Variants in STXBP6 observed in about 807,000 individuals in gnomAD.
STXBP6 encodes the protein syntaxin-binding protein 6.
A neutral mutation model predicts 26.9 loss-of-function variants in STXBP6; 21 were observed. That is an observed-to-expected ratio of 0.78 (90% CI 0.55 to 1.12). The LOEUF (loss-of-function observed/expected upper bound fraction) is 1.12, where lower values mean the gene tolerates loss of function less well. STXBP6 is among the 50% of genes most tolerant of loss of function. The pLI is 0.00. For missense variants in STXBP6, 232 were observed against 257.9 expected, an observed-to-expected ratio of 0.90 and a Z score of 0.69; for synonymous variants, 97 against 92.6, an observed-to-expected ratio of 1.05 and a Z score of -0.27.
chr14:24,860,901 A>T (rs2139223146), intron 2 of STXBP6, among the ~76,000 whole-genome samples: 1 of 146,628 alleles, frequency 6.8e-6, no homozygotes, highest in South Asian at 2.1e-4. Flanking sequence ...AAAGGAAACA[A>T]TCAGTATATA....
intron 2 of STXBP6, among the ~76,000 whole-genome samples, chr14:24,873,797 G>A (rs12897835): frequency 0.16 from 24,167 of 152,138 alleles, 2,274 homozygotes; most frequent in Non-Finnish European, 0.22. Flanking sequence ...TCTGAATGAC[G>A]GGAACAATGA....
chr14:24,900,670 C>T (rs1258927986), intron 2 of STXBP6, among the ~76,000 whole-genome samples: 3 of 152,100 alleles, frequency 2.0e-5, no homozygotes, highest in African/African-American at 7.2e-5. Context: ...CAGTGTGCTA[C>T]TTAGAGGTTT....
At chr14:24,896,508 C>T (rs1171763504) in intron 2 of STXBP6, among the ~76,000 whole-genome samples, 2 of 152,110 alleles carry the variant, frequency 1.3e-5, no homozygotes, top group Non-Finnish European at 2.9e-5. Flanking sequence ...GAGAGGAACC[C>T]AGGAATCTGC....
intron 2 of STXBP6, among the ~76,000 whole-genome samples, chr14:24,955,799 C>T (rs551290921): frequency 2.0e-5 from 3 of 152,294 alleles, no homozygotes; most frequent in African/African-American, 7.2e-5. Flanking sequence ...ACAGTAAGAG[C>T]AGCTTCCCTG....
intron 2 of STXBP6, among the ~76,000 whole-genome samples, chr14:24,882,909 C>A (rs1404180005): frequency 6.6e-6 from 1 of 152,146 alleles, no homozygotes; most frequent in East Asian, 1.9e-4. Flanking sequence ...TTTCTAGGAA[C>A]TGCTCCTGAG....
At chr14:24,981,042 C>G (rs1396743328) in intron 1 of STXBP6, among the ~76,000 whole-genome samples, 1 of 152,066 alleles carries the variant, frequency 6.6e-6, no homozygotes, top group African/African-American at 2.4e-5. Context: ...TTTGGGTTTT[C>G]CCCCTGTATT....
intron 1 of STXBP6, among the ~76,000 whole-genome samples, chr14:24,981,954 C>G (rs1465484844): frequency 6.6e-6 from 1 of 152,080 alleles, no homozygotes; most frequent in Non-Finnish European, 1.5e-5. Flanking sequence ...GGTTATAAAA[C>G]AGAAAATGAG....
intron 2 of STXBP6, among the ~76,000 whole-genome samples, chr14:24,887,644 C>G (rs1474813304): frequency 6.6e-6 from 1 of 152,172 alleles, no homozygotes; most frequent in African/African-American, 2.4e-5. Context: ...CAAATCATTT[C>G]TGATTTGCCA....
chr14:24,911,929 G>T (rs1595095414), intron 2 of STXBP6, among the ~76,000 whole-genome samples: 1 of 152,112 alleles, frequency 6.6e-6, no homozygotes, highest in Non-Finnish European at 1.5e-5. Flanking sequence ...TCCAGTCACG[G>T]AGAGTTACTC....
intron 4 of STXBP6, among the ~76,000 whole-genome samples, chr14:24,847,974 T>C (rs79895619): frequency 0.044 from 6,713 of 152,210 alleles, 506 homozygotes; most frequent in African/African-American, 0.15. Flanking sequence ...GAAATATCTA[T>C]AGTATAGCTC....
intron 2 of STXBP6, among the ~76,000 whole-genome samples, chr14:24,917,282 C>T (rs1301948205): frequency 6.6e-6 from 1 of 152,004 alleles, no homozygotes; most frequent in Non-Finnish European, 1.5e-5. Context: ...ATGGAGTAGG[C>T]AAATGTGTGA....
At chr14:24,822,773 C>T (rs894888749) in intron 4 of STXBP6, among the ~76,000 whole-genome samples, 1 of 152,168 alleles carries the variant, frequency 6.6e-6, no homozygotes, top group Non-Finnish European at 1.5e-5. Flanking sequence ...TCTCCTATCT[C>T]GGGGCTAAGT....
At chr14:24,887,709 A>G (rs1439197300) in intron 2 of STXBP6, among the ~76,000 whole-genome samples, 1 of 152,200 alleles carries the variant, frequency 6.6e-6, no homozygotes, top group Non-Finnish European at 1.5e-5. Flanking sequence ...GCAAATATAA[A>G]TTACCATCAC....
chr14:24,985,420 C>T (rs907907981), intron 1 of STXBP6, among the ~76,000 whole-genome samples: 1 of 152,144 alleles, frequency 6.6e-6, no homozygotes, highest in African/African-American at 2.4e-5. Context: ...AACCGGAAAA[C>T]GCTTAAATAT....
intron 1 of STXBP6, among the ~76,000 whole-genome samples, chr14:24,996,763 G>A (rs987439824): frequency 2.0e-5 from 3 of 148,164 alleles, no homozygotes; most frequent in African/African-American, 5.0e-5. Flanking sequence ...GCTGAGGCAG[G>A]AGAATCGCTT....
chr14:24,962,287 TTTTA>T (rs72330952), intron 2 of STXBP6, among the ~76,000 whole-genome samples: 60,978 of 139,784 alleles, frequency 0.44, 13,388 homozygotes, highest in East Asian at 0.5. Context: ...GTACAAGATA[TTTTA>T]TTTATTTATT....
intron 4 of STXBP6, among the ~76,000 whole-genome samples, chr14:24,843,510 T>C (rs185140026): frequency 6.6e-6 from 1 of 152,362 alleles, no homozygotes; most frequent in Admixed American, 6.5e-5. Flanking sequence ...GTGCTCACGA[T>C]GTTCCGTGGT....
At chr14:24,992,782 A>G (rs563229794) in intron 1 of STXBP6, among the ~76,000 whole-genome samples, 1 of 152,332 alleles carries the variant, frequency 6.6e-6, no homozygotes, top group South Asian at 2.1e-4. Flanking sequence ...TCCCAGCCCT[A>G]TATGATACTA....
intron 2 of STXBP6, chr14:24,878,668 C>A (rs2070236184): frequency 3.4e-6 from 1 of 290,526 alleles, no homozygotes; most frequent in Non-Finnish European, 7.2e-6. Flanking sequence ...CAGTCCACCA[C>A]TACAATGTGA....
Sources: gnomAD v4.1 joint callset for allele counts (sites outside exome capture counted in the v4.1 genomes callset) on GRCh38, gnomAD v4.1.1 for gene constraint, MANE v1.5 for transcripts, NCBI Gene and HGNC (gene_info 2026-07-23, HGNC 2026-07-21) for gene names.